Variants in HSPA12A observed in about 807,000 individuals in gnomAD.
HSPA12A encodes the protein heat shock 70 kDa protein 12A.
In HSPA12A, 28 loss-of-function variants were observed where a neutral mutation model predicts 69.2. The observed-to-expected ratio is 0.40, with a 90% CI of 0.30 to 0.55. HSPA12A has a LOEUF of 0.55. Among genes scored for constraint, HSPA12A ranks in the 20% least tolerant of loss-of-function variants. The pLI is 0.38. For missense variants in HSPA12A, 686 were observed against 900.7 expected (o/e 0.76, Z 3.05); for synonymous variants, 345 against 370.5 (o/e 0.93, Z 0.79).
intron 2 of HSPA12A, among the ~76,000 whole-genome samples, chr10:116,788,588 T>C (rs1263529335): frequency 6.6e-6 from 1 of 152,182 alleles, no homozygotes; most frequent in African/African-American, 2.4e-5. Flanking sequence ...CCTTCCAGAC[T>C]CTATCAACAC....
chr10:116,786,572 G>A (rs1166228263), intron 2 of HSPA12A, among the ~76,000 whole-genome samples: 3 of 152,124 alleles, frequency 2.0e-5, no homozygotes, highest in Non-Finnish European at 2.9e-5. Flanking sequence ...CATTTAAATG[G>A]TATATTTTTC....
At chr10:116,800,918 G>A (rs533230431) in intron 2 of HSPA12A, among the ~76,000 whole-genome samples, 1 of 152,306 alleles carries the variant, frequency 6.6e-6, no homozygotes, top group Admixed American at 6.5e-5. Flanking sequence ...GGTGCTGGGG[G>A]CAGGGGCGAC....
chr10:116,680,150 C>T (rs1849363052), intron 9 of HSPA12A, among the ~76,000 whole-genome samples: 1 of 151,948 alleles, frequency 6.6e-6, no homozygotes, highest in African/African-American at 2.4e-5. Context: ...CCACCATGCC[C>T]GGCTAATTTT....
chr10:116,742,314 C>T (rs1162660157), intron 1 of HSPA12A, 116 bp downstream of exon 1: 31 of 1,115,822 alleles, frequency 2.8e-5, no homozygotes, highest in Non-Finnish European at 3.5e-5. Context: ...CTGGATGCAG[C>T]GCGGGCGTCC....
At chr10:116,841,472 C>T (rs1056885790) in intron 1 of HSPA12A, among the ~76,000 whole-genome samples, 1 of 152,112 alleles carries the variant, frequency 6.6e-6, no homozygotes, top group Admixed American at 6.5e-5. Context: ...TAATTAAAAA[C>T]AGGATTAATC....
intron 6 of HSPA12A, among the ~76,000 whole-genome samples, chr10:116,687,537 A>T (rs1009414357): frequency 6.6e-6 from 1 of 152,042 alleles, no homozygotes; most frequent in East Asian, 1.9e-4. Context: ...ACTGCTGTGG[A>T]CTCCGAGAAA....
chr10:116,820,354 TGA>T (rs1255861780), intron 2 of HSPA12A, among the ~76,000 whole-genome samples: 4 of 152,140 alleles, frequency 2.6e-5, no homozygotes, highest in Non-Finnish European at 5.9e-5. Flanking sequence ...GCGTGGAGTT[TGA>T]GATCTGTGCA....
intron 2 of HSPA12A, among the ~76,000 whole-genome samples, chr10:116,754,311 T>C (rs1168759963): frequency 4.6e-5 from 7 of 152,176 alleles, no homozygotes; most frequent in Non-Finnish European, 7.3e-5. Flanking sequence ...TGGATAAAGG[T>C]AAAATGGCCA....
chr10:116,776,715 G>A (rs1844346830), intron 2 of HSPA12A, among the ~76,000 whole-genome samples: 1 of 152,208 alleles, frequency 6.6e-6, no homozygotes, highest in Non-Finnish European at 1.5e-5. Context: ...AAATACATGA[G>A]TTTTATTTTC....
At chr10:116,794,128 C>T (rs891226054) in intron 2 of HSPA12A, among the ~76,000 whole-genome samples, 9 of 151,844 alleles carry the variant, frequency 5.9e-5, no homozygotes, top group Non-Finnish European at 8.8e-5. Context: ...TGGCGTGAAC[C>T]CGGGAGGTGG....
chr10:116,809,461 T>TA, intron 2 of HSPA12A, among the ~76,000 whole-genome samples: 1 of 152,184 alleles, frequency 6.6e-6, no homozygotes, highest in Non-Finnish European at 1.5e-5. Flanking sequence ...TCCTTGTTTC[T>TA]AAAAAGAGGG....
At chr10:116,706,534 G>C (rs1445422329) in intron 2 of HSPA12A, among the ~76,000 whole-genome samples, 22 of 152,120 alleles carry the variant, frequency 1.4e-4, no homozygotes, top group Admixed American at 1.2e-3. Flanking sequence ...GTTCTCCCTG[G>C]GTCTTCTTTG....
chr10:116,717,781 T>A (rs1320590796), intron 1 of HSPA12A, among the ~76,000 whole-genome samples: 1 of 152,172 alleles, frequency 6.6e-6, no homozygotes, highest in African/African-American at 2.4e-5. Context: ...GCAAATACAT[T>A]TCCTTTACGT....
intron 1 of HSPA12A, among the ~76,000 whole-genome samples, chr10:116,713,282 T>C (rs933647740): frequency 3.9e-5 from 6 of 152,018 alleles, no homozygotes; most frequent in Non-Finnish European, 8.8e-5. Flanking sequence ...TGAACTTCCA[T>C]TTCAGTAAAT....
intron 2 of HSPA12A, among the ~76,000 whole-genome samples, chr10:116,775,410 G>C (rs731762): frequency 6.6e-6 from 1 of 152,200 alleles, no homozygotes; most frequent in South Asian, 2.1e-4. Context: ...TGGGGAGGAC[G>C]GGGGCCAGCC....
At chr10:116,691,382 T>A (rs1379319163) in intron 6 of HSPA12A, among the ~76,000 whole-genome samples, 2 of 152,144 alleles carry the variant, frequency 1.3e-5, no homozygotes, top group African/African-American at 4.8e-5. Context: ...ACTCTGTGGG[T>A]TTTTTGTAAA....
intron 2 of HSPA12A, among the ~76,000 whole-genome samples, chr10:116,814,311 G>A (rs73385401): frequency 0.017 from 2,615 of 152,280 alleles, 68 homozygotes; most frequent in African/African-American, 0.059. Context: ...CACATGGAAG[G>A]TCTGACATAT....
At chr10:116,777,277 C>T (rs898043097) in intron 2 of HSPA12A, among the ~76,000 whole-genome samples, 1 of 152,360 alleles carries the variant, frequency 6.6e-6, no homozygotes, top group South Asian at 2.1e-4. Flanking sequence ...CAGGCATGGC[C>T]TGTCACACTG....
At chr10:116,690,508 G>A (rs782436633) in intron 6 of HSPA12A, among the ~76,000 whole-genome samples, 4 of 152,162 alleles carry the variant, frequency 2.6e-5, no homozygotes, top group South Asian at 2.1e-4. Flanking sequence ...GATCAAAAAC[G>A]AAGCTGCAAA....
Sources: gnomAD v4.1 joint callset for allele counts (sites outside exome capture counted in the v4.1 genomes callset) on GRCh38, gnomAD v4.1.1 for gene constraint, MANE v1.5 for transcripts, NCBI Gene and HGNC (gene_info 2026-07-23, HGNC 2026-07-21) for gene names.